Variants in SLC39A10 observed in about 807,000 individuals in gnomAD.
The protein encoded by SLC39A10 is zinc transporter ZIP10.
A neutral mutation model predicts 65.1 loss-of-function variants in SLC39A10; 13 were observed. The ratio of observed to expected loss-of-function variants is 0.20; its 90% CI spans 0.13 to 0.32. The LOEUF is 0.32. SLC39A10 is among the 10% of genes least tolerant of loss of function. SLC39A10 has a pLI of 1.00. For missense variants in SLC39A10, 831 were observed against 1,018.4 expected, an observed-to-expected ratio of 0.82 and a Z score of 2.50; for synonymous variants, 321 against 342.2, an observed-to-expected ratio of 0.94 and a Z score of 0.68.
At chr2:195,614,475 G>T (rs968902456) in intron 2 of SLC39A10, among the ~76,000 whole-genome samples, 1 of 152,154 alleles carries the variant, frequency 6.6e-6, no homozygotes, top group African/African-American at 2.4e-5. Flanking sequence ...TAAGGAACTT[G>T]TAGAGAAGAA....
rs1469063610 is a variant in SLC39A10 at position 195,736,338 on chromosome 2, C to CT, written c.*1298dup. 2 of 166,012 alleles carry CT rather than the reference C, an allele frequency of 1.2e-5. No individual in the cohort carries two copies. The highest frequency in any genetic ancestry group is 4.8e-5 in the African/African-American group (2 of 41,446). 10.3% of individuals were successfully genotyped at this position (166,012 alleles called of 1,614,324 possible). On this transcript the variant is annotated 3_prime_UTR_variant, in exon 10 of 10. Transcript: ENST00000359634. ...AATTTTTACTTAATAATTTGTATTA[C>CT]TAGTCATATGCATGTAGCTTTCTGT... is the stretch of plus-strand genomic sequence containing the variant.
At chr2:195,655,485 T>C (rs1037918359), upstream of SLC39A10, among the ~76,000 whole-genome samples, 8 of 152,222 alleles carry the variant, frequency 5.3e-5, no homozygotes, top group Non-Finnish European at 1.2e-4. Flanking sequence ...GTATGAGCCA[T>C]AAAATATCAA....
intron 3 of SLC39A10, among the ~76,000 whole-genome samples, chr2:195,693,789 T>G (rs1690836864): frequency 6.6e-6 from 1 of 152,196 alleles, no homozygotes; most frequent in Non-Finnish European, 1.5e-5. Context: ...TGTTTGTTTG[T>G]TTCAGTTTTA....
chr2:195,729,667 A>G (rs1410884521), intron 9 of SLC39A10, among the ~76,000 whole-genome samples: 10 of 151,962 alleles, frequency 6.6e-5, no homozygotes, highest in Non-Finnish European at 1.5e-4. Flanking sequence ...CTTCTGCTGG[A>G]TTATTTCTAT....
At chr2:195,637,314 T>A (rs1050503426) in intron 2 of SLC39A10, among the ~76,000 whole-genome samples, 1 of 152,224 alleles carries the variant, frequency 6.6e-6, no homozygotes, top group Non-Finnish European at 1.5e-5. Context: ...GTCTCTGGCC[T>A]GCCTGTCAGA....
intron 1 of SLC39A10, among the ~76,000 whole-genome samples, chr2:195,667,596 GAT>G (rs1574244250): frequency 6.6e-6 from 1 of 152,316 alleles, no homozygotes; most frequent in East Asian, 1.9e-4. Context: ...TTAAGTGAAA[GAT>G]ACATAATACT....
At chr2:195,701,148 G>A (rs1691168088) in intron 3 of SLC39A10, among the ~76,000 whole-genome samples, 1 of 151,738 alleles carries the variant, frequency 6.6e-6, no homozygotes, top group African/African-American at 2.4e-5. Flanking sequence ...TTCAGCATCA[G>A]TAATTTCCAT....
chr2:195,648,244 C>T (rs1327113311), intron 2 of SLC39A10, among the ~76,000 whole-genome samples: 2 of 152,166 alleles, frequency 1.3e-5, no homozygotes, highest in African/African-American at 4.8e-5. Context: ...GCGATCCTCC[C>T]ATCTTGGCCT....
At chr2:195,661,878 T>C (rs1357417159) in intron 1 of SLC39A10, among the ~76,000 whole-genome samples, 1 of 152,220 alleles carries the variant, frequency 6.6e-6, no homozygotes, top group Admixed American at 6.5e-5. Flanking sequence ...TCATAACCTT[T>C]TATAATCATG....
At chr2:195,684,786 C>T (rs993472153) in intron 3 of SLC39A10, among the ~76,000 whole-genome samples, 1 of 151,960 alleles carries the variant, frequency 6.6e-6, no homozygotes, top group Non-Finnish European at 1.5e-5. Flanking sequence ...TGTTCTTGTC[C>T]CCTTGCAAGA....
Position 195,617,217 on chromosome 2 carries a change from T to A in SLC39A10, c.-12+10984T>A, listed in dbSNP as rs552835232. 1.2e-4 allele frequency among the ~76,000 whole-genome samples: 18 copies of A among 152,248 alleles called. No individual in the cohort carries two copies. The South Asian group carries it at 2.1e-3, about 18-fold the overall frequency. ...TGATATAAGGCATGGATCAAAAAAATTTTTTTGCATGCCCATTTGCTGTCC... is the reference window on the plus strand; with the variant it reads ...TGATATAAGGCATGGATCAAAAAAAATTTTTTGCATGCCCATTTGCTGTCC... On this transcript the variant is annotated intron_variant, in intron 2 of 2. Coordinates refer to the SLC39A10 transcript ENST00000458054.
chr2:195,718,343 C>A lies in SLC39A10; in HGVS notation c.2146+11C>A. ...TGCCACATGAATTAGGTAATATAAC[C>A]TTAAAAATTTTACCAGATTTCATCA... On this transcript the variant is annotated intron_variant, in intron 8 of 9. Coordinates refer to ENST00000359634, the MANE Select transcript of SLC39A10 (RefSeq NM_020342.3). 1 of 1,582,680 alleles carries A rather than the reference C, an allele frequency of 6.3e-7. No homozygotes were observed. Among genetic ancestry groups the A allele is most frequent in the Non-Finnish European group, 8.6e-7 (1 of 1,157,108 alleles).
intron 5 of SLC39A10, among the ~76,000 whole-genome samples, chr2:195,712,962 C>T (rs1021693491): frequency 3.9e-5 from 6 of 152,094 alleles, no homozygotes; most frequent in Non-Finnish European, 7.4e-5. Flanking sequence ...ATTTAACAAA[C>T]TTGCCTAAGT....
rs572631191 is a variant in SLC39A10, at chr2:195,696,614, G to A, written c.1217-10002G>A. ...CTTGAACAACGTGGGGGGATTAGCAGTGCTAATCCCCGTGTAGTCGAAAAT... is the reference window on the plus strand; with the variant it reads ...CTTGAACAACGTGGGGGGATTAGCAATGCTAATCCCCGTGTAGTCGAAAAT... On this transcript the variant is annotated intron_variant, in intron 3 of 9. Coordinates refer to ENST00000359634, the MANE Select transcript of SLC39A10 (RefSeq NM_020342.3). 2.0e-5 allele frequency among the ~76,000 whole-genome samples: 3 copies of A among 152,182 alleles called. No individual in the cohort carries two copies. In the East Asian group the frequency reaches 5.8e-4, roughly 29 times the overall value.
intron 1 of SLC39A10, among the ~76,000 whole-genome samples, chr2:195,678,562 GTT>G (rs61430237): frequency 2.3e-5 from 3 of 128,022 alleles, no homozygotes; most frequent in Admixed American, 7.8e-5. Context: ...TTTTAGTTAG[GTT>G]TTTTTTTTTT....
At chr2:195,623,430 A>G (rs1420483901) in intron 2 of SLC39A10, among the ~76,000 whole-genome samples, 1 of 152,224 alleles carries the variant, frequency 6.6e-6, no homozygotes, top group African/African-American at 2.4e-5. Flanking sequence ...TTGTAAATAA[A>G]TTGTTAATGA....
chr2:195,704,787 TTTG>T (rs1322582668), intron 3 of SLC39A10, among the ~76,000 whole-genome samples: 3 of 147,698 alleles, frequency 2.0e-5, no homozygotes, highest in East Asian at 1.9e-4. Context: ...CCTGTGTTTT[TTTG>T]TTGTTGTTGT....
intron 1 of SLC39A10, among the ~76,000 whole-genome samples, chr2:195,669,727 A>G (rs1436236574): frequency 6.6e-6 from 1 of 152,102 alleles, no homozygotes; most frequent in East Asian, 1.9e-4. Context: ...GCTGGGCACG[A>G]TGGCTTACAC....
chr2:195,654,615 T>C (rs1247333496), upstream of SLC39A10, among the ~76,000 whole-genome samples: 1 of 149,302 alleles, frequency 6.7e-6, no homozygotes, highest in Non-Finnish European at 1.5e-5. Context: ...CTGAAAATCA[T>C]TTATACTATT....
Sources: allele counts gnomAD v4.1 joint callset (sites outside exome capture counted in the v4.1 genomes callset), GRCh38; gene constraint gnomAD v4.1.1; transcripts MANE v1.5; gene names NCBI Gene and HGNC (gene_info 2026-07-23, HGNC 2026-07-21).